The following ABCA3 variants were observed in gnomAD, a reference collection of about 807,000 sequenced individuals.
ABCA3 encodes ATP binding cassette subfamily A member 3, also known as phospholipid-transporting ATPase ABCA3.
A neutral mutation model predicts 172.8 loss-of-function variants in ABCA3; 88 were observed. That is an observed-to-expected ratio of 0.51 (90% CI 0.43 to 0.61). The LOEUF is 0.61. ABCA3 is among the 20% of genes least tolerant of loss of function. The pLI, the probability that ABCA3 is intolerant of heterozygous loss-of-function variation, is 0.00. For synonymous variants in ABCA3, 1,066 were observed against 983.8 expected, an observed-to-expected ratio of 1.08 and a Z score of -1.56; for missense variants, 2,164 against 2,301.0, an observed-to-expected ratio of 0.94 and a Z score of 1.22.
chr16:2,300,077 T>G lies in ABCA3; in HGVS notation c.1539A>C (p.Ala513=). 6.2e-7 allele frequency: 1 copy of G among 1,613,646 alleles called. No homozygotes were observed. ...KEEEDSDPEK[A]LRNEYFEAEP... ...CGGCTTCAAAGTACTCGTTTCTGAG[T>G]GCTTTCTCGGGGTCACTGTCTTCTT... The change falls in exon 13 of 33, where the codon GCA becomes GCC. Residue 513 remains alanine, a synonymous_variant. Coordinates refer to ENST00000301732, the MANE Select transcript of ABCA3 (RefSeq NM_001089.3).
chr16:2,336,597 A>ATTTTTTTT (rs11284766), intron 1 of ABCA3, among the ~76,000 whole-genome samples: 2 of 101,330 alleles, frequency 2.0e-5, no homozygotes, highest in Non-Finnish European at 3.8e-5. Flanking sequence ...CGCCCAGCTA[A>ATTTTTTTT]TTTTTTTTTT....
At chr16:2,315,943 A>G (rs924205150) in intron 10 of ABCA3, among the ~76,000 whole-genome samples, 8 of 139,370 alleles carry the variant, frequency 5.7e-5, no homozygotes, top group Non-Finnish European at 7.5e-5. Context: ...TTGACCTCCT[A>G]AAGTGCTAGG....
intron 11 of ABCA3, among the ~76,000 whole-genome samples, chr16:2,304,788 G>A (rs570682888): frequency 1.3e-5 from 2 of 151,168 alleles, no homozygotes; most frequent in African/African-American, 4.9e-5. Context: ...CCATTCTCCT[G>A]CCTCAGCCTC....
In ABCA3 at chr16:2,285,044, G is replaced by A. The variant is rs756469965; in HGVS notation, c.3484-46C>T. ...GCTGCTGTGCATGCCAAGCTGAGAG[G>A]AGCTCACGGGTAGGGAAGGGGTGAG... On this transcript the variant is annotated intron_variant, in intron 23 of 32. Coordinates refer to ENST00000301732, the MANE Select transcript of ABCA3 (RefSeq NM_001089.3). This position sits in a 1 kb window ranked among gnomAD's most constrained non-coding sequence, Gnocchi z 4.7. 6.3e-7 allele frequency: 1 copy of A among 1,589,836 alleles called. No homozygotes were observed. Among genetic ancestry groups the A allele is most frequent in the African/African-American group, 1.3e-5 (1 of 74,494 alleles).
At chr16:2,289,376 G>A in intron 20 of ABCA3, 58 bp downstream of exon 20, 1 of 1,535,990 alleles carries the variant, frequency 6.5e-7, no homozygotes, top group Non-Finnish European at 8.7e-7. Context: ...GCTTACATGA[G>A]GCGTTTGGGG....
At chr16:2,316,045 G>T (rs745736387) in intron 10 of ABCA3, among the ~76,000 whole-genome samples, 1 of 149,288 alleles carries the variant, frequency 6.7e-6, no homozygotes, top group Non-Finnish European at 1.5e-5. Context: ...GGTCAGGCAT[G>T]GTGGCTCACA....
At chr16:2,336,826 A>G (rs992327941) in intron 1 of ABCA3, among the ~76,000 whole-genome samples, 2 of 152,046 alleles carry the variant, frequency 1.3e-5, no homozygotes, top group East Asian at 3.8e-4. Flanking sequence ...CATGGCTTTC[A>G]TCTTTAAAAA....
At chr16:2,327,103 G>A (rs2093735585) in intron 3 of ABCA3, among the ~76,000 whole-genome samples, 1 of 152,150 alleles carries the variant, frequency 6.6e-6, no homozygotes, top group Non-Finnish European at 1.5e-5. Flanking sequence ...GACTTCTGCA[G>A]TAGTTTTTAA....
intron 13 of ABCA3, 80 bp from the exon 14 acceptor site, chr16:2,299,612 G>T: frequency 6.3e-7 from 1 of 1,596,096 alleles, no homozygotes; most frequent in Non-Finnish European, 8.5e-7. Flanking sequence ...TCCCCTGCCC[G>T]ACCGTCTCAG....
intron 14 of ABCA3, among the ~76,000 whole-genome samples, 177 bp downstream of exon 14, chr16:2,299,226 G>A (rs373914817): frequency 6.6e-5 from 10 of 152,248 alleles, no homozygotes; most frequent in South Asian, 6.2e-4. Context: ...GGACAGAGGC[G>A]GTGAGGAGGG....
intron 11 of ABCA3, 112 bp from the exon 12 acceptor site, chr16:2,304,262 G>A (rs561918204): frequency 7.6e-5 from 85 of 1,123,736 alleles, no homozygotes; most frequent in Non-Finnish European, 1.1e-4. Flanking sequence ...GCCACTGCTT[G>A]GTTGGCATGC....
At chr16:2,332,867 C>G (rs146974059) in intron 1 of ABCA3, 1 of 546,256 alleles carries the variant, frequency 1.8e-6, no homozygotes, top group Non-Finnish European at 3.3e-6. Context: ...AGTGCCGTTG[C>G]GTGAGCAGGG....
chr16:2,287,991 C>T lies in ABCA3; in HGVS notation c.3004+35G>A, dbSNP rs774178216. On this transcript the variant is annotated intron_variant, in intron 21 of 32. Coordinates refer to ENST00000301732, the MANE Select transcript of ABCA3 (RefSeq NM_001089.3). This position sits in a 1 kb window ranked among gnomAD's most constrained non-coding sequence, Gnocchi z 4.1. Reference sequence around the variant, plus strand: ...GAACTCTGGCTGCAGGACTGGCCCCCGATGCCCCCGTCCCGCCCCCGGGAT... The same window carrying T: ...GAACTCTGGCTGCAGGACTGGCCCCTGATGCCCCCGTCCCGCCCCCGGGAT... 2.9e-5 allele frequency: 46 copies of T among 1,595,910 alleles called. No individual in the cohort carries two copies. The highest frequency in any genetic ancestry group is 4.0e-5 in the African/African-American group (3 of 74,832).
Position 2,276,473 on chromosome 16 carries a change from A to C in ABCA3, c.*201T>G, listed in dbSNP as rs1365862855. On this transcript the variant is annotated 3_prime_UTR_variant, in exon 33 of 33. Coordinates refer to ENST00000301732, the MANE Select transcript of ABCA3 (RefSeq NM_001089.3). ...AAAGTGAACTCCAGAGTATGCAGAC[A>C]TGGAGATGCGCATGCTGATCCTGGG... 1 of 910,670 alleles carries C rather than the reference A, an allele frequency of 1.1e-6. No homozygotes were observed. The highest frequency in any genetic ancestry group is 1.6e-5 in the African/African-American group (1 of 60,652). 56.4% of individuals were successfully genotyped at this position (910,670 alleles called of 1,614,324 possible).
At chr16:2,332,818 T>C (rs1596871518) in intron 1 of ABCA3, 5 of 554,784 alleles carry the variant, frequency 9.0e-6, no homozygotes, top group Admixed American at 3.3e-5. Context: ...TATGTGCCCT[T>C]TTTTTTTTTA....
At position 2,289,420 on chromosome 16, in the gene ABCA3, A is replaced by G; in HGVS notation, c.2700+14T>C. On this transcript the variant is annotated intron_variant, in intron 20 of 32. Coordinates refer to ENST00000301732, the MANE Select transcript of ABCA3 (RefSeq NM_001089.3). ...CCCTTCCCCCGCCACCCGCCCACCC[A>G]CCTGGGCACTCACCCCAGTGTTGAG... 7.6e-7 allele frequency: 1 copy of G among 1,316,624 alleles called. No homozygotes were observed. Among genetic ancestry groups the G allele is most frequent in the South Asian group, 1.2e-5 (1 of 81,582 alleles). The allele number at this position is 1,316,624 out of a possible 1,614,324, so 81.6% of individuals were successfully genotyped here.
chr16:2,291,852 T>G (rs2093672593), intron 19 of ABCA3, among the ~76,000 whole-genome samples: 1 of 151,988 alleles, frequency 6.6e-6, no homozygotes, highest in Non-Finnish European at 1.5e-5. Context: ...GGTGGGCGGA[T>G]CACCTGAGGT....
chr16:2,317,526 C>T, intron 9 of ABCA3, 122 bp downstream of exon 9: 1 of 1,585,800 alleles, frequency 6.3e-7, no homozygotes, highest in Non-Finnish European at 8.6e-7. Context: ...GACAGCTCCT[C>T]TCCCCCATGA....
Position 2,283,630 on chromosome 16 carries a change from G to T in ABCA3, c.3863-272C>A. The stretch of plus-strand genomic sequence containing the variant: ...CGCCTGAGAGGCACAGGCTCTGCGT[G>T]AATCCTGGGCTGCCTCCTGACCAGG... On this transcript the variant is annotated intron_variant, in intron 25 of 32. Coordinates refer to ENST00000301732, the MANE Select transcript of ABCA3 (RefSeq NM_001089.3). This position sits in a 1 kb window ranked among gnomAD's most constrained non-coding sequence, Gnocchi z 5.4. 2.1e-6 allele frequency: 1 copy of T among 475,604 alleles called. No homozygotes were observed. The highest frequency in any genetic ancestry group is 3.9e-6 in the Non-Finnish European group (1 of 258,166). The allele number at this position is 475,604 out of a possible 1,614,324, so 29.5% of individuals were successfully genotyped here. A position where few individuals can be genotyped will look rare whatever the true frequency, so the allele number is the denominator to read the frequency against.
Sources: gnomAD v4.1 joint callset for allele counts (sites outside exome capture counted in the v4.1 genomes callset) on GRCh38, gnomAD v4.1.1 for gene constraint, Gnocchi (gnomAD v3.1) non-coding constraint, MANE v1.5 for transcripts, NCBI Gene and HGNC (gene_info 2026-07-23, HGNC 2026-07-21) for gene names.